Variants in DCDC1 observed in about 807,000 individuals in gnomAD.
DCDC1 encodes doublecortin domain-containing protein 1.
A neutral mutation model predicts 178.3 loss-of-function variants in DCDC1; 200 were observed. That is an observed-to-expected ratio of 1.12 (90% confidence interval 1.00 to 1.26). DCDC1 has a LOEUF of 1.26. Ranked by LOEUF, DCDC1 falls within the 50% of genes most tolerant of loss-of-function variation. DCDC1 has a pLI of 0.00. For missense variants in DCDC1, 1,983 were observed against 1,749.2 expected, an observed-to-expected ratio of 1.13 and a Z score of -2.38; for synonymous variants, 690 against 604.8, an observed-to-expected ratio of 1.14 and a Z score of -2.07.
At chr11:31,355,148 G>A (rs760848942) in intron 1 of DCDC1, among the ~76,000 whole-genome samples, 1 of 152,044 alleles carries the variant, frequency 6.6e-6, no homozygotes, top group African/African-American at 2.4e-5. Context: ...TATAAGTGCT[G>A]GAACAAACAC....
chr11:31,328,614 C>T (rs1378215101), intron 2 of DCDC1, among the ~76,000 whole-genome samples: 3 of 151,892 alleles, frequency 2.0e-5, no homozygotes, highest in Non-Finnish European at 4.4e-5. Context: ...CTGGCTAACA[C>T]AGTGAAACCC....
At chr11:31,068,040 T>C (rs1282469569) in intron 18 of DCDC1, among the ~76,000 whole-genome samples, 2 of 152,078 alleles carry the variant, frequency 1.3e-5, no homozygotes, top group African/African-American at 4.8e-5. Flanking sequence ...GAAATCTATT[T>C]TAATGTAAGA....
Position 31,003,557 on chromosome 11 carries a change from A to G in DCDC1, c.2592-50989T>C, listed in dbSNP as rs189333909. ...CATTCCAGGAGGAGGAGATACTATG[A>G]CTGACCTCTAAGCAAGATCTTAAGG... On this transcript the variant is annotated intron_variant, in intron 20 of 38. Coordinates refer to ENST00000684477, the MANE Select transcript of DCDC1 (RefSeq NM_001387274.1). Among the ~76,000 whole-genome samples the G allele has an allele frequency of 2.1e-4, 32 of 152,280 alleles. No homozygotes were observed. In the East Asian group the frequency reaches 5.6e-3, roughly 27 times the overall value.
chr11:31,364,610 C>T (rs559804692), intron 1 of DCDC1, among the ~76,000 whole-genome samples: 9 of 152,152 alleles, frequency 5.9e-5, no homozygotes, highest in East Asian at 3.9e-4. Flanking sequence ...GTGCGGTGCC[C>T]GCAAAAAATA....
intron 20 of DCDC1, among the ~76,000 whole-genome samples, chr11:31,006,879 T>C (rs970431945): frequency 1.3e-5 from 2 of 152,200 alleles, no homozygotes; most frequent in Admixed American, 6.6e-5. Context: ...GAAGAAAAAA[T>C]ATAAAATTCT....
intron 20 of DCDC1, among the ~76,000 whole-genome samples, chr11:31,011,724 A>C (rs1184578566): frequency 6.6e-6 from 1 of 152,222 alleles, no homozygotes; most frequent in Admixed American, 6.5e-5. Context: ...CCTCCAGGCT[A>C]GAGAAACTCT....
Position 30,920,815 on chromosome 11 carries a change from T to C in DCDC1, c.3254A>G (p.Glu1085Gly), listed in dbSNP as rs773524874. The C allele has an allele frequency of 6.2e-7, 1 of 1,613,734 alleles. No individual in the cohort carries two copies. Among genetic ancestry groups the C allele is most frequent in the South Asian group, 1.1e-5 (1 of 91,030 alleles). ...VTEPEEKQMQ[E>G]DPLTTENASS... ...AGCATTTTCCGTTGTTAGAGGATCT[T>C]CTTGCATTTGCTTTTCTTCCGGTTC... Residue 1085 changes from glutamate to glycine, a missense_variant, in exon 25 of 39, where the codon GAA (glutamate) becomes GGA (glycine). Glu to Gly is a moderately conservative substitution (Grantham distance 98, BLOSUM62 -2). Transcript: ENST00000684477.
chr11:31,004,119 G>GT (rs981251190), intron 20 of DCDC1, among the ~76,000 whole-genome samples: 1 of 151,966 alleles, frequency 6.6e-6, no homozygotes. Flanking sequence ...GAATAAAAAT[G>GT]TTTTTTCCCA....
chr11:31,112,359 A>G (rs1959191919), intron 11 of DCDC1, among the ~76,000 whole-genome samples: 1 of 152,224 alleles, frequency 6.6e-6, no homozygotes, highest in Admixed American at 6.5e-5. Flanking sequence ...AAACAAAGAT[A>G]GCTTTCTAAA....
At chr11:30,921,501 T>C (rs1344716576) in intron 24 of DCDC1, among the ~76,000 whole-genome samples, 1 of 152,226 alleles carries the variant, frequency 6.6e-6, no homozygotes, top group African/African-American at 2.4e-5. Flanking sequence ...TCAAACAGCA[T>C]ACTGCCATCG....
intron 20 of DCDC1, among the ~76,000 whole-genome samples, chr11:30,973,527 A>G (rs1949930038): frequency 6.6e-6 from 1 of 152,190 alleles, no homozygotes; most frequent in Non-Finnish European, 1.5e-5. Context: ...ATCTATAAAG[A>G]CACATATAGT....
chr11:31,021,663 T>C (rs1286565116), intron 20 of DCDC1, among the ~76,000 whole-genome samples: 13 of 152,134 alleles, frequency 8.5e-5, no homozygotes, highest in Admixed American at 8.5e-4. Flanking sequence ...AAATTGTTAT[T>C]ATATACCTGT....
At chr11:31,034,976 T>C (rs1167390384) in intron 20 of DCDC1, among the ~76,000 whole-genome samples, 1 of 152,194 alleles carries the variant, frequency 6.6e-6, no homozygotes, top group African/African-American at 2.4e-5. Flanking sequence ...ATGGAGGATG[T>C]TTTAGGTCCA....
intron 9 of DCDC1, among the ~76,000 whole-genome samples, chr11:31,171,416 G>A (rs1441231786): frequency 6.6e-6 from 1 of 152,078 alleles, no homozygotes; most frequent in Admixed American, 6.5e-5. Context: ...TTTGGCCCAT[G>A]TGCTGCAATT....
At chr11:31,018,432 G>A (rs568727015) in intron 20 of DCDC1, among the ~76,000 whole-genome samples, 1 of 152,300 alleles carries the variant, frequency 6.6e-6, no homozygotes, top group South Asian at 2.1e-4. Context: ...CTCAGATCCA[G>A]TGAACATTAC....
chr11:30,933,378 T>C (rs1184148175), intron 21 of DCDC1, among the ~76,000 whole-genome samples: 1 of 152,158 alleles, frequency 6.6e-6, no homozygotes. Flanking sequence ...TGAATTTGTG[T>C]TAAATCATAT....
intron 6 of DCDC1, among the ~76,000 whole-genome samples, chr11:31,295,821 G>T (rs962506462): frequency 1.3e-5 from 2 of 152,140 alleles, no homozygotes; most frequent in African/African-American, 4.8e-5. Context: ...TAAAGGAAGG[G>T]AGGGAGACCT....
intron 20 of DCDC1, among the ~76,000 whole-genome samples, chr11:31,051,869 A>G (rs1955271949): frequency 6.6e-6 from 1 of 152,226 alleles, no homozygotes; most frequent in Non-Finnish European, 1.5e-5. Context: ...AAAACAGAAC[A>G]TCTTTAAAGC....
chr11:31,281,211 T>G (rs1350561536), intron 7 of DCDC1, among the ~76,000 whole-genome samples: 1 of 152,110 alleles, frequency 6.6e-6, no homozygotes, highest in African/African-American at 2.4e-5. Context: ...AGTTTTTATT[T>G]CTTCCTTTCA....
Sources: gnomAD v4.1 joint callset for allele counts (sites outside exome capture counted in the v4.1 genomes callset) on GRCh38, gnomAD v4.1.1 for gene constraint, MANE v1.5 for transcripts, NCBI Gene and HGNC (gene_info 2026-07-23, HGNC 2026-07-21) for gene names.